The following LIN28B variants were observed in gnomAD, a reference collection of about 807,000 sequenced individuals.
LIN28B encodes protein lin-28 homolog B.
Under a neutral mutation model 21.9 loss-of-function variants are expected in LIN28B, and 5 were observed. That is an observed-to-expected ratio of 0.23 (90% CI 0.12 to 0.48). The LOEUF (loss-of-function observed/expected upper bound fraction) is 0.48, where lower values mean the gene tolerates loss of function less well. LIN28B is among the 20% of genes least tolerant of loss of function. LIN28B has a pLI of 0.98. For synonymous variants in LIN28B, 109 were observed against 111.3 expected (o/e 0.98, Z 0.13); for missense variants, 245 against 310.5 (o/e 0.79, Z 1.58).
At chr6:105,003,741 C>A (rs1240746614) in intron 2 of LIN28B, among the ~76,000 whole-genome samples, 1 of 152,086 alleles carries the variant, frequency 6.6e-6, no homozygotes, top group African/African-American at 2.4e-5. Flanking sequence ...TCTCAAACTC[C>A]TGACCTCAAG....
intron 2 of LIN28B, among the ~76,000 whole-genome samples, chr6:104,995,020 C>G (rs1770570881): frequency 6.6e-6 from 1 of 152,204 alleles, no homozygotes; most frequent in Non-Finnish European, 1.5e-5. Context: ...AGGAAATACT[C>G]ACTGGAGCAT....
rs374018422 is a variant in LIN28B, at chr6:104,997,092, TA to T, written c.199-29204del. ...GTCAGGAGATCGAGACCATCCTGGC[TA>T]ACACGGTGAAGCCCCATCTCTACTA... On this transcript the variant is annotated intron_variant, in intron 2 of 3. Transcript: ENST00000345080. Among the ~76,000 whole-genome samples, 426 of 152,082 alleles carry T rather than the reference TA, an allele frequency of 2.8e-3. 6 individuals carry two copies. The highest frequency in any genetic ancestry group is 9.8e-3 in the African/African-American group (408 of 41,528).
At chr6:105,062,157 G>A (rs1445444300) in intron 3 of LIN28B, among the ~76,000 whole-genome samples, 7 of 151,512 alleles carry the variant, frequency 4.6e-5, no homozygotes, top group Admixed American at 1.3e-4. Context: ...TGCTCCTTGC[G>A]GAGCAGGGCT....
intron 2 of LIN28B, among the ~76,000 whole-genome samples, chr6:104,941,926 C>T (rs1218676765): frequency 6.6e-6 from 1 of 152,008 alleles, no homozygotes; most frequent in East Asian, 1.9e-4. Flanking sequence ...ATTTAGTGCC[C>T]TTATTGCGGA....
chr6:105,071,995 A>G (rs1274581117), intron 3 of LIN28B, among the ~76,000 whole-genome samples: 1 of 152,132 alleles, frequency 6.6e-6, no homozygotes, highest in African/African-American at 2.4e-5. Context: ...GACTACTCCC[A>G]GTCTTTTGTT....
chr6:104,956,706 GA>G (rs1778295616), upstream of LIN28B, among the ~76,000 whole-genome samples: 1 of 151,910 alleles, frequency 6.6e-6, no homozygotes, highest in African/African-American at 2.4e-5. Context: ...TTCTTAAGGG[GA>G]AAAAAAGCGT....
At chr6:104,978,615 T>C (rs1311888146) in intron 2 of LIN28B, among the ~76,000 whole-genome samples, 1 of 152,030 alleles carries the variant, frequency 6.6e-6, no homozygotes, top group East Asian at 1.9e-4. Context: ...ATTGCTATAA[T>C]GCAGAGTGAG....
At chr6:105,051,657 C>A (rs1771909074) in intron 3 of LIN28B, among the ~76,000 whole-genome samples, 1 of 151,918 alleles carries the variant, frequency 6.6e-6, no homozygotes, top group South Asian at 2.1e-4. Flanking sequence ...GTCATGGGTA[C>A]AAAGTAACTA....
At chr6:105,040,933 A>G (rs1034790901) in intron 3 of LIN28B, among the ~76,000 whole-genome samples, 2 of 151,864 alleles carry the variant, frequency 1.3e-5, no homozygotes, top group African/African-American at 4.8e-5. Flanking sequence ...TTTTGAGACA[A>G]GTTCTCTCAC....
chr6:104,961,408 A>AT (rs1201412444), intron 2 of LIN28B, among the ~76,000 whole-genome samples: 14 of 149,522 alleles, frequency 9.4e-5, no homozygotes, highest in Middle Eastern at 3.4e-3. Context: ...AAATTCTTTT[A>AT]TTTTTTTTTT....
At chr6:105,012,919 T>G (rs1770953408) in intron 2 of LIN28B, among the ~76,000 whole-genome samples, 1 of 152,196 alleles carries the variant, frequency 6.6e-6, no homozygotes, top group Non-Finnish European at 1.5e-5. Flanking sequence ...ATCTACCATT[T>G]TATATTCCTA....
chr6:104,964,427 T>C (rs1769815011), intron 2 of LIN28B, among the ~76,000 whole-genome samples: 1 of 152,248 alleles, frequency 6.6e-6, no homozygotes, highest in African/African-American at 2.4e-5. Context: ...TGTTATATTC[T>C]ATAGACTTGA....
chr6:105,037,850 CT>C (rs769426935), intron 3 of LIN28B, among the ~76,000 whole-genome samples: 3 of 151,358 alleles, frequency 2.0e-5, no homozygotes, highest in Admixed American at 1.3e-4. Flanking sequence ...AGAGATGTTT[CT>C]TTTTTTTGGA....
rs1440932759 is a variant in LIN28B, at chr6:105,080,821, C to T, written c.*2038C>T. On this transcript the variant is annotated 3_prime_UTR_variant, in exon 4 of 4. Transcript: ENST00000345080. Reference sequence around the variant, plus strand: ...GCAGGTTAACAGTAAAAATGCAAAACATGATAGATAAGTCACTTTGAAAAT... The same window carrying T: ...GCAGGTTAACAGTAAAAATGCAAAATATGATAGATAAGTCACTTTGAAAAT... The T allele has an allele frequency of 1.3e-5, 2 of 152,536 alleles. No homozygotes were observed. Among genetic ancestry groups the T allele is most frequent in the African/African-American group, 4.8e-5 (2 of 41,412 alleles). 9.4% of individuals were successfully genotyped at this position (152,536 alleles called of 1,614,324 possible). A position where few individuals can be genotyped will look rare whatever the true frequency, so the allele number is the denominator to read the frequency against.
At chr6:105,061,535 T>C (rs1201527576) in intron 3 of LIN28B, among the ~76,000 whole-genome samples, 1 of 120,374 alleles carries the variant, frequency 8.3e-6, no homozygotes, top group South Asian at 3.1e-4. Context: ...CCCCAGTTCA[T>C]GAGGGCTTCA....
At chr6:104,992,710 A>G (rs1342952647) in intron 2 of LIN28B, among the ~76,000 whole-genome samples, 4 of 151,796 alleles carry the variant, frequency 2.6e-5, no homozygotes, top group East Asian at 2.0e-4. Flanking sequence ...GGATCTCTCT[A>G]TGGTGCCCAG....
At chr6:105,023,227 A>AT (rs1310496794) in intron 2 of LIN28B, among the ~76,000 whole-genome samples, 4 of 94,382 alleles carry the variant, frequency 4.2e-5, no homozygotes, top group Non-Finnish European at 7.7e-5. Flanking sequence ...ATATATATAT[A>AT]ATATATATTA....
At chr6:104,985,003 T>C (rs554823071) in intron 2 of LIN28B, among the ~76,000 whole-genome samples, 32 of 152,328 alleles carry the variant, frequency 2.1e-4, no homozygotes, top group African/African-American at 7.5e-4. Context: ...AAGCCCTGAT[T>C]TGTAGCATTT....
chr6:105,068,648 G>T (rs899254467), intron 3 of LIN28B, among the ~76,000 whole-genome samples: 7 of 152,108 alleles, frequency 4.6e-5, no homozygotes, highest in African/African-American at 1.7e-4. Flanking sequence ...AGAACCAAAT[G>T]GCAATTATAC....
Sources: allele counts gnomAD v4.1 joint callset (sites outside exome capture counted in the v4.1 genomes callset), GRCh38; gene constraint gnomAD v4.1.1; transcripts MANE v1.5; gene names NCBI Gene and HGNC (gene_info 2026-07-23, HGNC 2026-07-21).